Variants in PRCP observed in about 807,000 individuals in gnomAD.
The protein encoded by PRCP is lysosomal Pro-X carboxypeptidase.
Under a neutral mutation model 54.2 loss-of-function variants are expected in PRCP, and 46 were observed. The ratio of observed to expected loss-of-function variants is 0.85; its 90% CI spans 0.67 to 1.09. The LOEUF is 1.09. Ranked by LOEUF, PRCP falls within the 50% of genes least tolerant of loss-of-function variation. The probability of loss-of-function intolerance (pLI) is 0.00; values close to 1 mark genes in which losing one functional copy is unlikely to be tolerated. For synonymous variants in PRCP, 240 were observed against 212.2 expected, an observed-to-expected ratio of 1.13 and a Z score of -1.14; for missense variants, 613 against 596.8, an observed-to-expected ratio of 1.03 and a Z score of -0.28.
At chr11:82,840,464 A>G (rs1418143851) in intron 6 of PRCP, 3 of 152,240 alleles carry the variant, frequency 2.0e-5, no homozygotes, top group Non-Finnish European at 4.4e-5. Context: ...TTTAAAATTC[A>G]TTTTAAAATA....
chr11:82,831,461 C>T (rs1225699730), intron 8 of PRCP: 1 of 152,224 alleles, frequency 6.6e-6, no homozygotes, highest in African/African-American at 2.4e-5. Flanking sequence ...TGAAATAACC[C>T]TGTTAGGTAC....
Position 82,849,233 on chromosome 11 carries a change from A to C in PRCP, c.752-15T>G. 1.2e-6 allele frequency: 2 copies of C among 1,613,308 alleles called. No homozygotes were observed. Among genetic ancestry groups the C allele is most frequent in the African/African-American group, 1.3e-5 (1 of 74,992 alleles). ...CAAACCACTGCCTGGGAATAGAATCACACTGTTGGAATCTAAAAAGTACTG... is the reference window on the plus strand; with the variant it reads ...CAAACCACTGCCTGGGAATAGAATCCCACTGTTGGAATCTAAAAAGTACTG... On this transcript the variant is annotated splice_polypyrimidine_tract_variant and intron_variant, in intron 5 of 8. Transcript: ENST00000313010.
Position 82,850,530 on chromosome 11 carries a change from G to A in PRCP, c.412-25C>T, listed in dbSNP as rs185064834. ...CCTAAAGAAATATAACAAAGAACAC[G>A]GGTATAAATGTGCACATAACAGCAG... On this transcript the variant is annotated intron_variant, in intron 3 of 8. Coordinates refer to ENST00000313010, the MANE Select transcript of PRCP (RefSeq NM_005040.4). 205 of 1,498,306 alleles carry A rather than the reference G, an allele frequency of 1.4e-4. No individual in the cohort carries two copies. The East Asian group carries it at 3.9e-3, about 29-fold the overall frequency. 92.8% of individuals were successfully genotyped at this position (1,498,306 alleles called of 1,614,324 possible).
chr11:82,839,038 G>A (rs1202401498), intron 7 of PRCP, among the ~76,000 whole-genome samples: 1 of 152,100 alleles, frequency 6.6e-6, no homozygotes, highest in Non-Finnish European at 1.5e-5. Context: ...TTGAAACCTA[G>A]AGGAGTGCCT....
At chr11:82,899,966 G>C in intron 1 of PRCP, 1 of 445,798 alleles carries the variant, frequency 2.2e-6, no homozygotes, top group South Asian at 2.5e-5. Context: ...GGGAGCAGAG[G>C]GAGTTGAAGT....
rs1591065475 is a variant in PRCP, at chr11:82,876,546, G to A, written c.169-16429C>T. ...GTGTTGTGGGAGAGACCGGGGGGAGGTTACTGAATCATGGGGGCCAGTCTT... is the reference window on the plus strand; with the variant it reads ...GTGTTGTGGGAGAGACCGGGGGGAGATTACTGAATCATGGGGGCCAGTCTT... On this transcript the variant is annotated intron_variant, in intron 1 of 8. Transcript: ENST00000313010. 2.0e-5 allele frequency among the ~76,000 whole-genome samples: 3 copies of A among 152,148 alleles called. 1 individual carries two copies. Among genetic ancestry groups the A allele is most frequent in the South Asian group, 4.1e-4 (2 of 4,828 alleles).
intron 2 of PRCP, 104 bp from the exon 3 acceptor site, chr11:82,853,382 G>A (rs1312783202): frequency 1.2e-6 from 1 of 800,072 alleles, no homozygotes; most frequent in African/African-American, 1.8e-5. Flanking sequence ...AGAACAAAAA[G>A]AGCACTCTAC....
At chr11:82,899,735 A>C (rs996044545) in intron 1 of PRCP, among the ~76,000 whole-genome samples, 1 of 152,146 alleles carries the variant, frequency 6.6e-6, no homozygotes, top group Non-Finnish European at 1.5e-5. Context: ...AATTCTTAAT[A>C]ATAGGGCTAC....
intron 1 of PRCP, among the ~76,000 whole-genome samples, chr11:82,866,172 T>C (rs181161320): frequency 6.4e-4 from 98 of 152,312 alleles, no homozygotes; most frequent in Non-Finnish European, 1.1e-3. Context: ...CCAGAAAGTA[T>C]TGGAGATTAA....
chr11:82,852,679 G>T (rs1858985058), intron 3 of PRCP, among the ~76,000 whole-genome samples: 1 of 152,174 alleles, frequency 6.6e-6, no homozygotes. Flanking sequence ...AAAGGCCAAA[G>T]CTCCTGTGAG....
chr11:82,828,292 C>T (rs1379747645), intron 8 of PRCP: 1 of 152,202 alleles, frequency 6.6e-6, no homozygotes, highest in African/African-American at 2.4e-5. Context: ...TGGAAGTCGA[C>T]AGCTTACACT....
chr11:82,860,761 A>C (rs963000561), intron 1 of PRCP, among the ~76,000 whole-genome samples: 3 of 152,128 alleles, frequency 2.0e-5, no homozygotes, highest in African/African-American at 7.2e-5. Context: ...ACCCCAGCAC[A>C]CCATAGATAT....
intron 1 of PRCP, among the ~76,000 whole-genome samples, chr11:82,890,167 C>T (rs1324296097): frequency 1.3e-5 from 2 of 152,230 alleles, no homozygotes; most frequent in African/African-American, 4.8e-5. Flanking sequence ...ATAACAGTTA[C>T]ATCAAATGGC....
chr11:82,893,733 T>C (rs1002251653), intron 1 of PRCP, among the ~76,000 whole-genome samples: 16 of 152,178 alleles, frequency 1.1e-4, no homozygotes, highest in African/African-American at 3.9e-4. Flanking sequence ...TTCAAGGCTC[T>C]AGTGAGCTAT....
chr11:82,843,018 A>G (rs555790315), intron 6 of PRCP, among the ~76,000 whole-genome samples: 1 of 152,348 alleles, frequency 6.6e-6, no homozygotes, highest in Admixed American at 6.5e-5. Context: ...TAAAGACTAG[A>G]GTAACTCAAT....
Position 82,860,364 on chromosome 11 carries a change from C to A in PRCP, c.169-247G>T, listed in dbSNP as rs940777913. Among the ~76,000 whole-genome samples, 3 of 151,556 alleles carry A rather than the reference C, an allele frequency of 2.0e-5. No homozygotes were observed. In the East Asian group the frequency reaches 5.8e-4, roughly 29 times the overall value. ...GATTTTCAATGTAAAAGAAAAAATA[C>A]AATTATAAAATCAAATAGCTACTTA... On this transcript the variant is annotated intron_variant, in intron 1 of 8. Coordinates refer to ENST00000313010, the MANE Select transcript of PRCP (RefSeq NM_005040.4).
At chr11:82,870,090 T>C (rs1859443162) in intron 1 of PRCP, among the ~76,000 whole-genome samples, 1 of 152,238 alleles carries the variant, frequency 6.6e-6, no homozygotes, top group Non-Finnish European at 1.5e-5. Flanking sequence ...GACAAGGTTA[T>C]AAGTCAAAGT....
chr11:82,848,352 T>C (rs1858859645), intron 6 of PRCP, among the ~76,000 whole-genome samples: 1 of 152,254 alleles, frequency 6.6e-6, no homozygotes, highest in African/African-American at 2.4e-5. Flanking sequence ...TGTGTCCTTA[T>C]ACTTTCCAAA....
At chr11:82,900,748 C>A (rs1860265948), upstream of PRCP, 2 of 496,336 alleles carry the variant, frequency 4.0e-6, no homozygotes. Context: ...GCCCCCGAAG[C>A]CCACCTGTCC....
Sources: gnomAD v4.1 joint callset for allele counts (sites outside exome capture counted in the v4.1 genomes callset) on GRCh38, gnomAD v4.1.1 for gene constraint, MANE v1.5 for transcripts, NCBI Gene and HGNC (gene_info 2026-07-23, HGNC 2026-07-21) for gene names.